Variants in CLCN5 observed in about 807,000 individuals in gnomAD.
The protein encoded by CLCN5 is Cl-/H+ antiporter 5, also known as H(+)/Cl(-) exchange transporter 5.
CLCN5 carries 17 observed loss-of-function variants against 54.0 expected under a neutral mutation model. The ratio of observed to expected loss-of-function variants is 0.31; its 90% CI spans 0.22 to 0.47. The LOEUF (loss-of-function observed/expected upper bound fraction) is 0.47, where lower values mean the gene tolerates loss of function less well. Ranked by LOEUF, CLCN5 falls within the 20% of genes least tolerant of loss-of-function variation. The pLI, the probability that CLCN5 is intolerant of heterozygous loss-of-function variation, is 1.00. For missense variants in CLCN5, 448 were observed against 646.7 expected (o/e 0.69, Z 3.33); for synonymous variants, 222 against 233.0 (o/e 0.95, Z 0.43).
At chrX:50,009,688 C>T (rs781875817) in intron 3 of CLCN5, 6 of 384,091 alleles carry the variant, frequency 1.6e-5, no homozygotes, top group Non-Finnish European at 3.1e-5. Flanking sequence ...TGGAGATATA[C>T]ATGCAGGGTG....
rs1557196058 is a variant in CLCN5, at chrX:50,098,626, A to G, written c.*6407A>G. The stretch of plus-strand genomic sequence containing the variant: ...GTCTAGACATCAGCAGTAACTAGGC[A>G]TCCAGAAAGTAGCTTCAACCAAAGC... On this transcript the variant is annotated 3_prime_UTR_variant, in exon 15 of 15. Coordinates refer to ENST00000376091, the MANE Select transcript of CLCN5 (RefSeq NM_001127898.4). The G allele has an allele frequency of 1.8e-5, 2 of 113,208 alleles. No individual in the cohort carries two copies. The highest frequency in any genetic ancestry group is 6.4e-5 in the African/African-American group (2 of 31,099). The allele number at this position is 113,208 out of a possible 1,213,427, so 9.3% of individuals were successfully genotyped here.
intron 6 of CLCN5, 75 bp downstream of exon 6, chrX:50,072,663 G>A (rs1933261121): frequency 5.4e-6 from 4 of 738,878 alleles, no homozygotes; most frequent in Non-Finnish European, 8.6e-6. Flanking sequence ...CCTGAGCTGA[G>A]TCACGTACTG....
At chrX:50,016,765 C>T (rs1405466389) in intron 3 of CLCN5, among the ~76,000 whole-genome samples, 1 of 106,913 alleles carries the variant, frequency 9.4e-6, no homozygotes, top group Non-Finnish European at 1.9e-5. Flanking sequence ...CCCTGGCAAC[C>T]GCTGATCATT....
At chrX:49,933,828 T>G (rs1464575306) in intron 3 of CLCN5, among the ~76,000 whole-genome samples, 3 of 112,084 alleles carry the variant, frequency 2.7e-5, no homozygotes, top group African/African-American at 9.7e-5. Flanking sequence ...GTCATCAGAA[T>G]GCCTGGTCCA....
intron 3 of CLCN5, among the ~76,000 whole-genome samples, chrX:49,942,120 T>C (rs782743959): frequency 1.1e-5 from 1 of 94,777 alleles, no homozygotes; most frequent in African/African-American, 4.2e-5. Context: ...CACCATTTAT[T>C]CTTTTTTTTA....
chrX:50,065,712 C>T (rs1447347673), intron 4 of CLCN5, among the ~76,000 whole-genome samples: 4 of 106,014 alleles, frequency 3.8e-5, no homozygotes, highest in South Asian at 4.4e-4. Flanking sequence ...TACATGCACA[C>T]GTATGTTCAT....
intron 4 of CLCN5, among the ~76,000 whole-genome samples, chrX:50,060,204 G>A (rs943272967): frequency 2.7e-5 from 3 of 110,475 alleles, no homozygotes; most frequent in African/African-American, 6.6e-5. Flanking sequence ...CAGCGTGAGC[G>A]ACGCAGAAGA....
chrX:50,064,262 C>T (rs782197999), intron 4 of CLCN5, among the ~76,000 whole-genome samples: 3 of 110,159 alleles, frequency 2.7e-5, no homozygotes, highest in South Asian at 3.9e-4. Context: ...TATAAAACCC[C>T]GTCGTCTCAG....
At chrX:49,962,327 G>A (rs232758) in intron 3 of CLCN5, among the ~76,000 whole-genome samples, 45,458 of 110,299 alleles carry the variant, frequency 0.41, 8,325 homozygotes, top group East Asian at 0.94. Flanking sequence ...CCAACGTCAC[G>A]CAGCAGCTGG....
intron 4 of CLCN5, among the ~76,000 whole-genome samples, chrX:50,060,996 A>T (rs1280139228): frequency 1.2e-5 from 1 of 85,533 alleles, no homozygotes; most frequent in African/African-American, 4.9e-5. Flanking sequence ...CCACACCAAA[A>T]ACCCATCTGT....
intron 5 of CLCN5, among the ~76,000 whole-genome samples, chrX:50,071,389 G>T (rs1284745729): frequency 8.9e-6 from 1 of 111,781 alleles, no homozygotes; most frequent in African/African-American, 3.2e-5. Context: ...TCATCAGGCG[G>T]GCTTTAGAAT....
At chrX:49,973,464 T>G (rs782582873) in intron 3 of CLCN5, among the ~76,000 whole-genome samples, 9 of 108,957 alleles carry the variant, frequency 8.3e-5, no homozygotes, top group East Asian at 2.9e-4. Context: ...GCTGCACCCA[T>G]TAACTCGTCA....
intron 3 of CLCN5, among the ~76,000 whole-genome samples, chrX:50,002,874 C>T (rs1929937847): frequency 9.0e-6 from 1 of 111,137 alleles, no homozygotes; most frequent in Non-Finnish European, 1.9e-5. Context: ...ATGATCACCT[C>T]ATGGATATTT....
At position 50,097,539 on chromosome X, in the gene CLCN5, A is replaced by G. The variant is rs1194595342; in HGVS notation, c.*5320A>G. 2 of 110,821 alleles carry G rather than the reference A, an allele frequency of 1.8e-5. No homozygotes were observed. The highest frequency in any genetic ancestry group is 3.8e-5 in the Non-Finnish European group (2 of 52,890). 9.1% of individuals were successfully genotyped at this position (110,821 alleles called of 1,213,427 possible). The stretch of plus-strand genomic sequence containing the variant: ...TTGAAGAAAAACAGCATGTGATAAT[A>G]TAAAAATATGAGAGTTTAAAAAAAA... On this transcript the variant is annotated 3_prime_UTR_variant, in exon 15 of 15. Coordinates refer to ENST00000376091, the MANE Select transcript of CLCN5 (RefSeq NM_001127898.4).
At chrX:50,063,908 C>G (rs1290889457) in intron 4 of CLCN5, among the ~76,000 whole-genome samples, 2 of 110,538 alleles carry the variant, frequency 1.8e-5, no homozygotes, top group African/African-American at 3.3e-5. Flanking sequence ...AAGACAAAAA[C>G]CATATGATTA....
intron 8 of CLCN5, 114 bp from the exon 9 acceptor site, chrX:50,081,522 AAGCAT>A (rs1933700346): frequency 5.3e-6 from 3 of 563,989 alleles, no homozygotes; most frequent in Non-Finnish European, 9.1e-6. Context: ...ACTGTAGGTC[AAGCAT>A]TTATATGTCA....
chrX:49,932,437 A>G (rs1342738798), intron 3 of CLCN5, among the ~76,000 whole-genome samples: 2 of 112,027 alleles, frequency 1.8e-5, no homozygotes, highest in Non-Finnish European at 3.8e-5. Flanking sequence ...TAACTTTTAT[A>G]ACAGAAAACA....
intron 3 of CLCN5, among the ~76,000 whole-genome samples, chrX:49,997,906 G>A (rs1929606661): frequency 9.0e-6 from 1 of 110,976 alleles, no homozygotes; most frequent in South Asian, 3.8e-4. Context: ...CCAAGTTGTT[G>A]AACATAAAGT....
At chrX:50,033,254 T>C (rs1241958819) in intron 3 of CLCN5, among the ~76,000 whole-genome samples, 2 of 111,325 alleles carry the variant, frequency 1.8e-5, no homozygotes, top group Non-Finnish European at 3.8e-5. Flanking sequence ...GACATGATTG[T>C]ATATCTAGAA....
Sources: gnomAD v4.1 joint callset for allele counts (sites outside exome capture counted in the v4.1 genomes callset) on GRCh38, gnomAD v4.1.1 for gene constraint, MANE v1.5 for transcripts, NCBI Gene and HGNC (gene_info 2026-07-23, HGNC 2026-07-21) for gene names.